Variants in GRHL2 observed in about 807,000 individuals in gnomAD.
GRHL2 encodes the protein grainyhead-like protein 2 homolog.
GRHL2 carries 21 observed loss-of-function variants against 83.8 expected under a neutral mutation model. The observed-to-expected ratio is 0.25, with a 90% CI of 0.18 to 0.36. The LOEUF (loss-of-function observed/expected upper bound fraction) is 0.36. Among genes scored for constraint, GRHL2 ranks in the 10% least tolerant of loss-of-function variants. The probability of loss-of-function intolerance (pLI) is 1.00; values close to 1 mark genes in which losing one functional copy is unlikely to be tolerated. For missense variants in GRHL2, 623 were observed against 781.8 expected (o/e 0.80, Z 2.42); for synonymous variants, 280 against 278.9 (o/e 1.00, Z -0.04).
At chr8:101,673,605 C>A (rs1176467780), downstream of GRHL2, among the ~76,000 whole-genome samples, 1 of 150,518 alleles carries the variant, frequency 6.6e-6, no homozygotes, top group East Asian at 2.0e-4. Flanking sequence ...ACTTCGACTC[C>A]CACACAACTT....
intron 1 of GRHL2, among the ~76,000 whole-genome samples, chr8:101,514,622 G>A (rs1017833360): frequency 1.3e-5 from 2 of 152,194 alleles, no homozygotes; most frequent in South Asian, 4.1e-4. Flanking sequence ...GCTGCAGCTG[G>A]GCCCATGGGC....
chr8:101,534,081 T>A (rs1174855789), intron 1 of GRHL2, among the ~76,000 whole-genome samples: 1 of 152,164 alleles, frequency 6.6e-6, no homozygotes, highest in Non-Finnish European at 1.5e-5. Context: ...CGGGTAATCA[T>A]AAAAGCAGGG....
chr8:101,649,832 CAATT>C (rs979519432), intron 14 of GRHL2, among the ~76,000 whole-genome samples: 3 of 151,984 alleles, frequency 2.0e-5, no homozygotes, highest in African/African-American at 7.3e-5. Context: ...AAAACAAAAA[CAATT>C]AACAAGTGTT....
At chr8:101,526,305 G>C (rs1049492138) in intron 1 of GRHL2, among the ~76,000 whole-genome samples, 3 of 152,136 alleles carry the variant, frequency 2.0e-5, no homozygotes, top group Non-Finnish European at 4.4e-5. Flanking sequence ...CTATAGGCTT[G>C]TCTTGCACTT....
chr8:101,674,077 T>C (rs990571560), downstream of GRHL2, among the ~76,000 whole-genome samples: 4 of 152,018 alleles, frequency 2.6e-5, no homozygotes, highest in Non-Finnish European at 5.9e-5. Context: ...GGGAAATTTA[T>C]AGCACTAAAT....
chr8:101,593,152 G>A (rs1241406601), intron 7 of GRHL2, among the ~76,000 whole-genome samples: 1 of 151,940 alleles, frequency 6.6e-6, no homozygotes, highest in Admixed American at 6.5e-5. Context: ...CCCCATGTTG[G>A]CCAGGCTGGT....
rs746408995 is a variant in GRHL2 at position 101,577,401 on chromosome 8, T to A, written c.892-7T>A. On this transcript the variant is annotated splice_region_variant and splice_polypyrimidine_tract_variant and intron_variant, in intron 6 of 15. Coordinates refer to ENST00000646743, the MANE Select transcript of GRHL2 (RefSeq NM_024915.4). ...AAAAGTAAGCTCCACGATTCTCCCC[T>A]CTGCAGAGTGTGGTGATGGTGGTCT... The A allele has an allele frequency of 2.5e-6, 4 of 1,592,272 alleles. No homozygotes were observed. In the African/African-American group the frequency reaches 5.4e-5, roughly 21 times the overall value.
At chr8:101,567,148 G>A (rs1206201408) in intron 4 of GRHL2, among the ~76,000 whole-genome samples, 1 of 152,166 alleles carries the variant, frequency 6.6e-6, no homozygotes, top group Non-Finnish European at 1.5e-5. Context: ...CAACCCAAGA[G>A]AAAGAACAGA....
At chr8:101,659,474 G>A (rs1427007613) in intron 14 of GRHL2, among the ~76,000 whole-genome samples, 2 of 152,160 alleles carry the variant, frequency 1.3e-5, no homozygotes, top group Non-Finnish European at 2.9e-5. Flanking sequence ...GTCCTTCAAG[G>A]ATTTTTTCCA....
At chr8:101,566,987 A>G (rs75278278) in intron 4 of GRHL2, among the ~76,000 whole-genome samples, 6,481 of 152,262 alleles carry the variant, frequency 0.043, 428 homozygotes, top group African/African-American at 0.15. Flanking sequence ...TGTTCAATAA[A>G]TATTTATTGA....
At chr8:101,497,877 A>G (rs1169132927) in intron 1 of GRHL2, among the ~76,000 whole-genome samples, 1 of 152,198 alleles carries the variant, frequency 6.6e-6, no homozygotes, top group African/African-American at 2.4e-5. Context: ...TTTAACATGG[A>G]TATAAGACTT....
At chr8:101,643,194 T>C (rs749277831) in intron 12 of GRHL2, among the ~76,000 whole-genome samples, 16 of 152,014 alleles carry the variant, frequency 1.1e-4, no homozygotes, top group Non-Finnish European at 1.9e-4. Flanking sequence ...GATCATGGCA[T>C]CTGGGATTGT....
intron 1 of GRHL2, among the ~76,000 whole-genome samples, chr8:101,499,489 C>T (rs975724375): frequency 3.9e-5 from 6 of 152,016 alleles, no homozygotes; most frequent in African/African-American, 1.2e-4. Context: ...ACAGCTTCTG[C>T]GCATAGAGAT....
chr8:101,549,159 G>T (rs1276022352), intron 2 of GRHL2, among the ~76,000 whole-genome samples: 2 of 152,052 alleles, frequency 1.3e-5, no homozygotes, highest in Non-Finnish European at 2.9e-5. Context: ...GAGGGGTGGG[G>T]CATGTTCTAG....
intron 10 of GRHL2, 97 bp downstream of exon 10, chr8:101,631,821 G>T: frequency 3.1e-6 from 3 of 956,920 alleles, no homozygotes; most frequent in Non-Finnish European, 5.1e-6. Context: ...AGGTAAAACT[G>T]CATACATGCA....
chr8:101,516,425 T>C (rs1810573871), intron 1 of GRHL2, among the ~76,000 whole-genome samples: 1 of 146,680 alleles, frequency 6.8e-6, no homozygotes, highest in African/African-American at 2.5e-5. Flanking sequence ...TTTTTTTTTT[T>C]TTTTTTTGAG....
chr8:101,598,792 T>C (rs1586132483), intron 7 of GRHL2, among the ~76,000 whole-genome samples: 2 of 152,062 alleles, frequency 1.3e-5, no homozygotes. Flanking sequence ...CTTATAAAAC[T>C]AGTAAAAAAT....
At chr8:101,513,510 T>TTTTTTTTTTTTTTGGGGTTG (rs55792824) in intron 1 of GRHL2, among the ~76,000 whole-genome samples, 1 of 147,198 alleles carries the variant, frequency 6.8e-6, no homozygotes, top group African/African-American at 2.5e-5. Flanking sequence ...CTTTTTTTTT[T>TTTTTTTTTTTTTTGGGGTTG]GGAGATGGAG....
chr8:101,543,850 G>A (rs991516199), intron 2 of GRHL2: 1 of 223,780 alleles, frequency 4.5e-6, no homozygotes, highest in South Asian at 6.7e-5. Context: ...AAGAAAAAGC[G>A]GTTTAATTGG....
Sources: allele counts gnomAD v4.1 joint callset (sites outside exome capture counted in the v4.1 genomes callset), GRCh38; gene constraint gnomAD v4.1.1; transcripts MANE v1.5; gene names NCBI Gene and HGNC (gene_info 2026-07-23, HGNC 2026-07-21).